The following TTC27 variants were observed in gnomAD, a reference collection of about 807,000 sequenced individuals.
The protein encoded by TTC27 is tetratricopeptide repeat protein 27.
In TTC27, 79 loss-of-function variants were observed where a neutral mutation model predicts 115.9. That is an observed-to-expected ratio of 0.68 (90% CI 0.57 to 0.82). The LOEUF is 0.82. Among genes scored for constraint, TTC27 ranks in the 40% least tolerant of loss-of-function variants. The pLI is 0.00. For missense variants in TTC27, 1,054 were observed against 993.1 expected (o/e 1.06, Z -0.82); for synonymous variants, 401 against 356.0 (o/e 1.13, Z -1.42).
chr2:32,703,293 C>A (rs895453647), intron 10 of TTC27, among the ~76,000 whole-genome samples: 4 of 152,116 alleles, frequency 2.6e-5, no homozygotes, highest in African/African-American at 9.7e-5. Flanking sequence ...ATGGTGAAAC[C>A]CCGTCTCTAC....
Position 32,650,199 on chromosome 2 carries a change from G to A in TTC27, c.606G>A (p.Leu202=), listed in dbSNP as rs1023843648. ...ATTTGCTTGAGGAACGCTCACCTCT[G>A]CTTTTTACTCTTGCCGAAAACTGTA... ...HQHLLEERSP[L]LFTLAENCID... is the part of the protein sequence containing the mutation. The change falls in exon 5 of 20, where the codon CTG becomes CTA. Residue 202 remains leucine (L), a synonymous_variant. Transcript: ENST00000317907. 1.9e-6 allele frequency: 3 copies of A among 1,613,710 alleles called. No individual in the cohort carries two copies. The highest frequency in any genetic ancestry group is 2.2e-5 in the East Asian group (1 of 44,876).
intron 4 of TTC27, among the ~76,000 whole-genome samples, chr2:32,648,192 A>G (rs931370492): frequency 6.6e-6 from 1 of 151,908 alleles, no homozygotes; most frequent in African/African-American, 2.4e-5. Flanking sequence ...CAGTGGTGCA[A>G]TCTTGGCTCA....
Position 32,666,668 on chromosome 2 carries a change from A to T in TTC27, c.839A>T (p.Asn280Ile). The change falls in exon 7 of 20, where the codon AAT becomes ATT. Residue 280 changes from asparagine (N) to isoleucine (I), a missense_variant. Asn to Ile is a moderately radical substitution (Grantham distance 149). Coordinates refer to ENST00000317907, the MANE Select transcript of TTC27 (RefSeq NM_017735.5). Reference sequence around the variant, plus strand: ...GGAAAAAGAACACGGTTCCAGGAAAATTATGTGGCACAACTGATTCTAGAT... The same window carrying T: ...GGAAAAAGAACACGGTTCCAGGAAATTTATGTGGCACAACTGATTCTAGAT... ...ALGKRTRFQE[N>I]YVAQLILDVR... 3 of 1,614,012 alleles carry T rather than the reference A, an allele frequency of 1.9e-6. No individual in the cohort carries two copies. Among genetic ancestry groups the T allele is most frequent in the Non-Finnish European group, 2.5e-6 (3 of 1,179,962 alleles).
chr2:32,663,636 TTATG>T (rs70938357), intron 5 of TTC27, among the ~76,000 whole-genome samples: 50,047 of 146,184 alleles, frequency 0.34, 8,859 homozygotes, highest in Admixed American at 0.37. Flanking sequence ...CACCCCCTAT[TTATG>T]TATGTATGTA....
At chr2:32,820,716 T>G (rs1671669059) in intron 19 of TTC27, 100 bp from the exon 20 acceptor site, 14 of 1,114,138 alleles carry the variant, frequency 1.3e-5, no homozygotes, top group Non-Finnish European at 1.5e-5. Flanking sequence ...TTGTATAGTA[T>G]TATTATGCAA....
At chr2:32,687,003 C>A (rs1417688370) in intron 9 of TTC27, among the ~76,000 whole-genome samples, 1 of 152,070 alleles carries the variant, frequency 6.6e-6, no homozygotes, top group Non-Finnish European at 1.5e-5. Flanking sequence ...CACCACTACA[C>A]CCAGCTAGTT....
intron 9 of TTC27, among the ~76,000 whole-genome samples, chr2:32,696,932 C>T (rs916955484): frequency 1.3e-5 from 2 of 152,184 alleles, no homozygotes; most frequent in Non-Finnish European, 1.5e-5. Flanking sequence ...GGCGTGGTGG[C>T]TCACACCTGT....
At chr2:32,726,070 C>T (rs1258131671) in intron 10 of TTC27, among the ~76,000 whole-genome samples, 4 of 152,170 alleles carry the variant, frequency 2.6e-5, no homozygotes, top group Admixed American at 1.3e-4. Flanking sequence ...GAACAGGGAC[C>T]CTGGGCCCGG....
At chr2:32,811,914 C>G (rs903841002) in intron 17 of TTC27, among the ~76,000 whole-genome samples, 2 of 152,168 alleles carry the variant, frequency 1.3e-5, no homozygotes, top group Admixed American at 6.5e-5. Context: ...TAGCCATTCT[C>G]TCCTCCCTCA....
At chr2:32,815,962 C>A (rs1465319420) in intron 18 of TTC27, among the ~76,000 whole-genome samples, 1 of 152,076 alleles carries the variant, frequency 6.6e-6, no homozygotes, top group Non-Finnish European at 1.5e-5. Context: ...TAATTAATGA[C>A]AGAACTCTGT....
chr2:32,719,361 C>T (rs1667850100), intron 10 of TTC27, among the ~76,000 whole-genome samples: 1 of 152,164 alleles, frequency 6.6e-6, no homozygotes, highest in South Asian at 2.1e-4. Context: ...ATAGCAGGGT[C>T]AGAAAGAGAT....
At chr2:32,660,580 T>G (rs2151876492) in intron 5 of TTC27, among the ~76,000 whole-genome samples, 3 of 149,008 alleles carry the variant, frequency 2.0e-5, no homozygotes, top group East Asian at 2.0e-4. Context: ...GGGAACATCA[T>G]GGGGGGTGGG....
At chr2:32,751,142 G>T (rs908419706) in intron 12 of TTC27, among the ~76,000 whole-genome samples, 1 of 152,080 alleles carries the variant, frequency 6.6e-6, no homozygotes, top group Non-Finnish European at 1.5e-5. Context: ...CCAGCAAAGA[G>T]ATCATGTCCA....
intron 10 of TTC27, among the ~76,000 whole-genome samples, chr2:32,717,215 A>C (rs1572544188): frequency 6.7e-6 from 1 of 149,656 alleles, no homozygotes. Context: ...CTCAAGTGAT[A>C]CTCCCACCTC....
intron 5 of TTC27, among the ~76,000 whole-genome samples, chr2:32,656,602 C>T (rs754601848): frequency 6.6e-5 from 10 of 152,080 alleles, no homozygotes; most frequent in African/African-American, 2.4e-4. Flanking sequence ...GTGATCACCA[C>T]GAAAGGGTTT....
intron 1 of TTC27, among the ~76,000 whole-genome samples, chr2:32,628,961 T>C (rs1338806298): frequency 6.7e-6 from 1 of 150,326 alleles, no homozygotes; most frequent in African/African-American, 2.5e-5. Context: ...GGTTTCACCA[T>C]GTTGGCCTAG....
chr2:32,762,285 GT>G, intron 13 of TTC27, among the ~76,000 whole-genome samples: 1 of 46,594 alleles, frequency 2.1e-5, no homozygotes, highest in Non-Finnish European at 5.1e-5. Flanking sequence ...AAGTGTGTGT[GT>G]GTGTGTGTGT....
chr2:32,709,605 T>TC (rs1228049739), intron 10 of TTC27, among the ~76,000 whole-genome samples: 1 of 152,182 alleles, frequency 6.6e-6, no homozygotes, highest in African/African-American at 2.4e-5. Context: ...CCTACAGTAT[T>TC]CCCCACTTGG....
At position 32,767,935 on chromosome 2, in the gene TTC27, A is replaced by G. The variant is rs535797085; in HGVS notation, c.1680+9416A>G. Among the ~76,000 whole-genome samples the G allele has an allele frequency of 7.2e-5, 11 of 152,360 alleles. No homozygotes were observed. The South Asian group carries it at 1.0e-3, about 14-fold the overall frequency. On this transcript the variant is annotated intron_variant, in intron 13 of 19. Coordinates refer to ENST00000317907, the MANE Select transcript of TTC27 (RefSeq NM_017735.5). ...GTCAACAATTTTAAATGTGTAAACA[A>G]TGAATCTGACAATTAACAATAAAGA...
Sources: gnomAD v4.1 joint callset for allele counts (sites outside exome capture counted in the v4.1 genomes callset) on GRCh38, gnomAD v4.1.1 for gene constraint, MANE v1.5 for transcripts, NCBI Gene and HGNC (gene_info 2026-07-23, HGNC 2026-07-21) for gene names.